KCNH7: variants seen among roughly 807,000 people sequenced by gnomAD.
KCNH7 encodes voltage-gated inwardly rectifying potassium channel KCNH7.
A neutral mutation model predicts 120.8 loss-of-function variants in KCNH7; 49 were observed. The observed-to-expected ratio is 0.41, with a 90% CI of 0.32 to 0.51. The LOEUF is 0.51. KCNH7 is among the 20% of genes least tolerant of loss of function. The probability of loss-of-function intolerance (pLI) is 0.38; values close to 1 mark genes in which losing one functional copy is unlikely to be tolerated. For synonymous variants in KCNH7, 547 were observed against 516.1 expected (o/e 1.06, Z -0.81); for missense variants, 1,097 against 1,446.6 (o/e 0.76, Z 3.92).
At chr2:162,492,865 G>GTTT (rs67006443) in intron 6 of KCNH7, among the ~76,000 whole-genome samples, 2,037 of 57,040 alleles carry the variant, frequency 0.036, 404 homozygotes, top group Non-Finnish European at 0.05. Context: ...CTTGGATCTT[G>GTTT]TTTTTTTTTT....
At chr2:162,818,637 T>G (rs1026231981) in intron 2 of KCNH7, among the ~76,000 whole-genome samples, 1 of 152,170 alleles carries the variant, frequency 6.6e-6, no homozygotes, top group Non-Finnish European at 1.5e-5. Flanking sequence ...GCAGATCAAT[T>G]TGGGAAGACT....
intron 6 of KCNH7, among the ~76,000 whole-genome samples, chr2:162,464,558 T>G (rs575457253): frequency 6.6e-6 from 1 of 152,126 alleles, no homozygotes; most frequent in South Asian, 2.1e-4. Context: ...TATATCCATG[T>G]CCCGGACTCC....
intron 2 of KCNH7, among the ~76,000 whole-genome samples, chr2:162,738,070 A>G (rs1270099332): frequency 1.5e-5 from 2 of 134,628 alleles, no homozygotes; most frequent in Non-Finnish European, 1.5e-5. Flanking sequence ...TTCATATCAA[A>G]AAAAAAAAAA....
At chr2:162,510,905 T>A (rs1435334206) in intron 5 of KCNH7, among the ~76,000 whole-genome samples, 4 of 151,732 alleles carry the variant, frequency 2.6e-5, no homozygotes. Flanking sequence ...GATTGAAAAT[T>A]TACATTAAAT....
At chr2:162,534,795 C>A (rs558400027) in intron 3 of KCNH7, among the ~76,000 whole-genome samples, 1 of 151,648 alleles carries the variant, frequency 6.6e-6, no homozygotes, top group African/African-American at 2.4e-5. Context: ...TAGAAAATTG[C>A]ACATATGCAG....
At chr2:162,465,439 T>C (rs1689275099) in intron 6 of KCNH7, among the ~76,000 whole-genome samples, 1 of 152,188 alleles carries the variant, frequency 6.6e-6, no homozygotes, top group South Asian at 2.1e-4. Flanking sequence ...AAATGTATTT[T>C]TAAAAGTATT....
chr2:162,621,702 T>A (rs1683364885), intron 2 of KCNH7, among the ~76,000 whole-genome samples: 1 of 152,150 alleles, frequency 6.6e-6, no homozygotes, highest in Non-Finnish European at 1.5e-5. Flanking sequence ...AGATTAAGTG[T>A]TATTGGCTGG....
intron 2 of KCNH7, among the ~76,000 whole-genome samples, chr2:162,699,574 G>T (rs1187096947): frequency 6.6e-6 from 1 of 151,864 alleles, no homozygotes. Flanking sequence ...TGCAGTAATG[G>T]GTTCTTTACT....
chr2:162,725,329 T>G (rs1197272978), intron 2 of KCNH7, among the ~76,000 whole-genome samples: 1 of 152,166 alleles, frequency 6.6e-6, no homozygotes. Context: ...ATGTTTAAAT[T>G]GTAAAAAGAA....
At chr2:162,692,213 C>T (rs755080039) in intron 2 of KCNH7, among the ~76,000 whole-genome samples, 3 of 148,780 alleles carry the variant, frequency 2.0e-5, no homozygotes, top group Non-Finnish European at 4.5e-5. Context: ...GCAACATCCA[C>T]CTCTTGGGTT....
intron 2 of KCNH7, among the ~76,000 whole-genome samples, chr2:162,663,015 G>A (rs1436885594): frequency 6.6e-6 from 1 of 152,138 alleles, no homozygotes; most frequent in African/African-American, 2.4e-5. Flanking sequence ...TGAGAATAGG[G>A]ATATAAAAGT....
Position 162,499,884 on chromosome 2 carries a change from C to T in KCNH7, c.1128+4559G>A, listed in dbSNP as rs7587993. ...TTTTGGAAACTTCTCACCTTCAAAA[C>T]GCACTTAAGGGTTTATATTCCCCAA... On this transcript the variant is annotated intron_variant, in intron 6 of 15. Coordinates refer to ENST00000332142, the MANE Select transcript of KCNH7 (RefSeq NM_033272.4). 9.9e-3 allele frequency among the ~76,000 whole-genome samples: 1,505 copies of T among 152,128 alleles called. 39 individuals carry two copies. Among genetic ancestry groups the T allele is most frequent in the South Asian group, 0.097 (467 of 4,816 alleles).
intron 6 of KCNH7, among the ~76,000 whole-genome samples, chr2:162,468,432 T>C (rs530608067): frequency 3.3e-4 from 50 of 152,204 alleles, no homozygotes; most frequent in African/African-American, 1.1e-3. Flanking sequence ...TTATGCAAGG[T>C]TATCAACAAA....
intron 6 of KCNH7, among the ~76,000 whole-genome samples, chr2:162,469,876 T>A (rs1689440603): frequency 6.6e-6 from 1 of 152,160 alleles, no homozygotes; most frequent in Non-Finnish European, 1.5e-5. Flanking sequence ...CTGACTGGTT[T>A]TCATATTTTT....
chr2:162,425,424 G>T (rs1334487988), intron 8 of KCNH7, among the ~76,000 whole-genome samples: 2 of 152,084 alleles, frequency 1.3e-5, no homozygotes, highest in African/African-American at 4.8e-5. Flanking sequence ...TGTTTAGATT[G>T]TATCTTCTAC....
chr2:162,425,369 G>T (rs1249778470), intron 8 of KCNH7, among the ~76,000 whole-genome samples: 2 of 152,002 alleles, frequency 1.3e-5, no homozygotes, highest in Non-Finnish European at 2.9e-5. Flanking sequence ...TAGTGAGGCT[G>T]AATTGGCATG....
chr2:162,564,292 C>CAG (rs59823386), intron 2 of KCNH7, among the ~76,000 whole-genome samples: 85,904 of 151,682 alleles, frequency 0.57, 24,943 homozygotes, highest in Admixed American at 0.68. Context: ...AGATATGACC[C>CAG]AGAGTTTAAA....
Position 162,459,042 on chromosome 2 carries a change from A to G in KCNH7, c.1129-12599T>C, listed in dbSNP as rs1248985520. Reference sequence around the variant, plus strand: ...AATAATAATAATAATAATAATAATAATAATATAAAGGAGGTCTGGGATAGA... The same window carrying G: ...AATAATAATAATAATAATAATAATAGTAATATAAAGGAGGTCTGGGATAGA... On this transcript the variant is annotated intron_variant, in intron 6 of 15. Transcript: ENST00000332142. 2.0e-5 allele frequency among the ~76,000 whole-genome samples: 3 copies of G among 147,836 alleles called. No individual in the cohort carries two copies. The East Asian group carries it at 5.9e-4, about 29-fold the overall frequency.
intron 2 of KCNH7, among the ~76,000 whole-genome samples, chr2:162,648,792 C>G (rs1470675957): frequency 6.6e-6 from 1 of 152,028 alleles, no homozygotes; most frequent in Non-Finnish European, 1.5e-5. Context: ...ATTTTGCTCA[C>G]TCTTGATTTA....
Sources: allele counts gnomAD v4.1 joint callset (sites outside exome capture counted in the v4.1 genomes callset), GRCh38; gene constraint gnomAD v4.1.1; transcripts MANE v1.5; gene names NCBI Gene and HGNC (gene_info 2026-07-23, HGNC 2026-07-21).